DOCK2: variants seen among roughly 807,000 people sequenced by gnomAD.
The protein encoded by DOCK2 is dedicator of cytokinesis 2, also known as dedicator of cytokinesis protein 2.
In DOCK2, 87 loss-of-function variants were observed where a neutral mutation model predicts 248.9. That is an observed-to-expected ratio of 0.35 (90% confidence interval 0.29 to 0.42). The LOEUF (loss-of-function observed/expected upper bound fraction) is 0.42, where lower values mean the gene tolerates loss of function less well. Among genes scored for constraint, DOCK2 ranks in the 10% least tolerant of loss-of-function variants. DOCK2 has a pLI of 1.00. For synonymous variants in DOCK2, 805 were observed against 821.6 expected (o/e 0.98, Z 0.35); for missense variants, 1,747 against 2,300.2 (o/e 0.76, Z 4.92).
At chr5:170,004,116 T>C (rs1459893666) in intron 30 of DOCK2, among the ~76,000 whole-genome samples, 2 of 152,218 alleles carry the variant, frequency 1.3e-5, no homozygotes, top group South Asian at 2.1e-4. Context: ...AAAATGTTCA[T>C]AGCAGCATAG....
At chr5:169,817,227 A>T (rs943102351) in intron 26 of DOCK2, among the ~76,000 whole-genome samples, 1 of 152,222 alleles carries the variant, frequency 6.6e-6, no homozygotes, top group Non-Finnish European at 1.5e-5. Context: ...TTATTGTAGA[A>T]TTTAGCACTT....
chr5:170,041,954 G>T lies in DOCK2; in HGVS notation c.3757-59G>T. On this transcript the variant is annotated intron_variant, in intron 37 of 51. Transcript: ENST00000520908. ...TGGTTCCTGCCTTTAATCCTAGGAA[G>T]ACACCTGCTCTTGGCAGCCTCTCGG... 2.5e-6 allele frequency: 4 copies of T among 1,587,970 alleles called. No homozygotes were observed. The South Asian group carries it at 4.5e-5, about 18-fold the overall frequency.
At chr5:169,858,160 T>C (rs538930613) in intron 27 of DOCK2, among the ~76,000 whole-genome samples, 1 of 152,330 alleles carries the variant, frequency 6.6e-6, no homozygotes, top group South Asian at 2.1e-4. Context: ...ATGATGGAGA[T>C]ACAAAGGCAA....
At chr5:170,053,299 A>C (rs1756986567) in intron 41 of DOCK2, among the ~76,000 whole-genome samples, 1 of 152,204 alleles carries the variant, frequency 6.6e-6, no homozygotes, top group Non-Finnish European at 1.5e-5. Context: ...TCTGGAAGGG[A>C]TCAGATGGGC....
chr5:170,023,312 G>A (rs979877497), intron 33 of DOCK2, among the ~76,000 whole-genome samples: 2 of 152,176 alleles, frequency 1.3e-5, no homozygotes, highest in Admixed American at 6.5e-5. Flanking sequence ...ATTAATAGAC[G>A]GAGATAGCCA....
chr5:169,919,911 A>G (rs1056300026), intron 27 of DOCK2, among the ~76,000 whole-genome samples: 7 of 152,110 alleles, frequency 4.6e-5, no homozygotes, highest in Middle Eastern at 3.2e-3. Flanking sequence ...TACTGTACTT[A>G]TTTTTGCCTT....
intron 27 of DOCK2, among the ~76,000 whole-genome samples, chr5:169,972,285 C>T (rs1777531868): frequency 6.6e-6 from 1 of 152,100 alleles, no homozygotes; most frequent in South Asian, 2.1e-4. Flanking sequence ...ATGCATTTTG[C>T]ACTTATCATT....
At chr5:169,765,068 G>GCACA (rs764611025) in intron 25 of DOCK2, among the ~76,000 whole-genome samples, 1,756 of 79,702 alleles carry the variant, frequency 0.022, 10 homozygotes, top group South Asian at 0.027. Context: ...GGCTCTTTTA[G>GCACA]CGCACACACA....
chr5:169,781,060 G>A (rs187648414), intron 25 of DOCK2, among the ~76,000 whole-genome samples: 134 of 152,284 alleles, frequency 8.8e-4, no homozygotes, highest in African/African-American at 3.1e-3. Flanking sequence ...TCAGGGTGCC[G>A]GGCGGAAACC....
intron 38 of DOCK2, among the ~76,000 whole-genome samples, chr5:170,042,372 C>G (rs912521335): frequency 2.0e-5 from 3 of 152,170 alleles, no homozygotes; most frequent in African/African-American, 4.8e-5. Flanking sequence ...TCCACTACCC[C>G]CAACAGATCA....
At chr5:169,950,452 A>G (rs946197920) in intron 27 of DOCK2, among the ~76,000 whole-genome samples, 2 of 151,974 alleles carry the variant, frequency 1.3e-5, no homozygotes, top group African/African-American at 4.8e-5. Flanking sequence ...AGACAAACCT[A>G]GGTAAACAGA....
intron 27 of DOCK2, among the ~76,000 whole-genome samples, chr5:169,860,074 T>A (rs1282262338): frequency 1.4e-5 from 2 of 148,064 alleles, no homozygotes; most frequent in Non-Finnish European, 3.0e-5. Flanking sequence ...TAAGCTATCC[T>A]CCTGCCTCAG....
At chr5:169,729,400 G>A (rs1762648355) in intron 22 of DOCK2, among the ~76,000 whole-genome samples, 1 of 152,146 alleles carries the variant, frequency 6.6e-6, no homozygotes, top group South Asian at 2.1e-4. Context: ...GGGGTGGAAG[G>A]AAGATTGAAA....
At chr5:169,643,728 C>T (rs184715130) in intron 1 of DOCK2, among the ~76,000 whole-genome samples, 10 of 152,308 alleles carry the variant, frequency 6.6e-5, no homozygotes, top group Non-Finnish European at 1.0e-4. Context: ...TGACTGCACA[C>T]GGCCCCTTGG....
intron 27 of DOCK2, among the ~76,000 whole-genome samples, chr5:169,857,277 G>A (rs1770943002): frequency 6.6e-6 from 1 of 152,160 alleles, no homozygotes; most frequent in Non-Finnish European, 1.5e-5. Context: ...GGCAGTATCT[G>A]GTAAAATGTG....
chr5:170,012,783 A>G (rs935152142), intron 32 of DOCK2, among the ~76,000 whole-genome samples: 3 of 152,218 alleles, frequency 2.0e-5, no homozygotes. Flanking sequence ...TGCTCAAAAG[A>G]CTTTGCACTT....
chr5:169,944,126 G>A (rs933390713), intron 27 of DOCK2, among the ~76,000 whole-genome samples: 3 of 152,168 alleles, frequency 2.0e-5, no homozygotes, highest in Admixed American at 2.0e-4. Context: ...CTCCCTTTGA[G>A]GACTGATTTT....
intron 26 of DOCK2, among the ~76,000 whole-genome samples, chr5:169,803,840 C>T (rs73322096): frequency 0.02 from 3,000 of 152,150 alleles, 83 homozygotes; most frequent in African/African-American, 0.064. Flanking sequence ...GAAGATAAGC[C>T]AGATGGGGTG....
intron 27 of DOCK2, among the ~76,000 whole-genome samples, chr5:169,968,991 ATTTTGAAAAATAG>A (rs1371066436): frequency 6.6e-6 from 1 of 152,202 alleles, no homozygotes; most frequent in Non-Finnish European, 1.5e-5. Context: ...TCTACAAAAA[ATTTTGAAAAATAG>A]CCTGATGTGG....
Sources: allele counts gnomAD v4.1 joint callset (sites outside exome capture counted in the v4.1 genomes callset), GRCh38; gene constraint gnomAD v4.1.1; transcripts MANE v1.5; gene names NCBI Gene and HGNC (gene_info 2026-07-23, HGNC 2026-07-21).